Variants in ZSCAN18 observed in about 807,000 individuals in gnomAD.
ZSCAN18 encodes zinc finger and SCAN domain containing 18, also known as zinc finger and SCAN domain-containing protein 18.
In ZSCAN18, 16 loss-of-function variants were observed where a neutral mutation model predicts 31.1. The observed-to-expected ratio is 0.51, with a 90% CI of 0.35 to 0.78. The LOEUF is 0.78. Among genes scored for constraint, ZSCAN18 ranks in the 30% least tolerant of loss-of-function variants. The pLI is 0.01. For missense variants in ZSCAN18, 731 were observed against 697.4 expected (o/e 1.05, Z -0.54); for synonymous variants, 375 against 320.7 (o/e 1.17, Z -1.81).
Position 58,090,188 on chromosome 19 carries a change from G to C in ZSCAN18, c.80C>G (p.Ala27Gly). ...PPDLPTPGSA[A>G]GVQQEEPETI... is the part of the protein sequence containing the mutation. ...CTCGGGTTCTTCCTGCTGGACTCCGGCTGCTGACCCCGGCGTGGGCAGATC... is the reference window on the plus strand; with the variant it reads ...CTCGGGTTCTTCCTGCTGGACTCCGCCTGCTGACCCCGGCGTGGGCAGATC... Residue 27 changes from alanine to glycine, a missense_variant, in exon 2 of 7, where the codon GCC becomes GGC. By Grantham distance (60) the Ala-to-Gly change is moderately conservative. This residue lies in a region of ZSCAN18 where 86 missense variants were observed against 119.1 expected (regional missense o/e 0.72). Transcript: ENST00000601144. This position sits in a 1 kb window ranked among gnomAD's most constrained non-coding sequence, Gnocchi z 4.7. 1 of 1,613,722 alleles carries C rather than the reference G, an allele frequency of 6.2e-7. No individual in the cohort carries two copies. The highest frequency in any genetic ancestry group is 8.5e-7 in the Non-Finnish European group (1 of 1,179,994).
Position 58,090,289 on chromosome 19 carries a change from A to T in ZSCAN18, c.-22T>A. On this transcript the variant is annotated 5_prime_UTR_variant, in exon 2 of 7. Transcript: ENST00000601144. This position sits in a 1 kb window ranked among gnomAD's most constrained non-coding sequence, Gnocchi z 4.7. ...ACATCTTTCCAAAACGGCACTGGAA[A>T]ATGTGACTGTCTAGCCAGGGACAAG... The T allele has an allele frequency of 6.2e-7, 1 of 1,613,490 alleles. No homozygotes were observed. The highest frequency in any genetic ancestry group is 2.2e-5 in the East Asian group (1 of 44,872).
chr19:58,100,180 C>T (rs1051732344), upstream of ZSCAN18, among the ~76,000 whole-genome samples: 5 of 151,908 alleles, frequency 3.3e-5, no homozygotes, highest in Non-Finnish European at 5.9e-5. Context: ...GTCTCAGACC[C>T]CCGGGCTCAA....
At chr19:58,116,304 C>A (rs1418001526) in intron 1 of ZSCAN18, among the ~76,000 whole-genome samples, 2 of 150,100 alleles carry the variant, frequency 1.3e-5, no homozygotes, top group Non-Finnish European at 3.0e-5. Flanking sequence ...GGCCAGCTTC[C>A]TGTGGTCACA....
In ZSCAN18 at chr19:58,085,009, G is replaced by T. The variant is rs1451098465; in HGVS notation, c.1209C>A (p.Asp403Glu). 1.3e-5 allele frequency: 20 copies of T among 1,591,760 alleles called. No individual in the cohort carries two copies. Among genetic ancestry groups the T allele is most frequent in the Non-Finnish European group, 1.6e-5 (19 of 1,169,572 alleles). The change falls in exon 7 of 7, where the codon GAC (aspartate) becomes GAA (glutamate). Residue 403 changes from aspartate to glutamate, a missense_variant. Asp to Glu is a conservative substitution (Grantham distance 45). This residue lies in a region of ZSCAN18 where 597 missense variants were observed against 499.5 expected (regional missense o/e 1.20). Transcript: ENST00000601144. ...GLEAGQGPGA[D>E]EPGLSRGKPY... ...GCTTCCCGCGGGACAAGCCCGGCTC[G>T]TCAGCCCCAGGGCCCTGCCCGGCCT... is the stretch of plus-strand genomic sequence containing the variant.
At chr19:58,100,582 G>T (rs2146016619), upstream of ZSCAN18, among the ~76,000 whole-genome samples, 1 of 152,184 alleles carries the variant, frequency 6.6e-6, no homozygotes, top group South Asian at 2.1e-4. Context: ...AAATTCCAAG[G>T]CTTTTAGCTC....
chr19:58,115,577 G>A (rs551018038), intron 1 of ZSCAN18, among the ~76,000 whole-genome samples: 114 of 152,084 alleles, frequency 7.5e-4, no homozygotes, highest in African/African-American at 2.2e-3. Flanking sequence ...ATTATATTAC[G>A]GGTAGTTCCC....
At chr19:58,093,841 C>T (rs1599978896) in intron 1 of ZSCAN18, among the ~76,000 whole-genome samples, 1 of 152,068 alleles carries the variant, frequency 6.6e-6, no homozygotes, top group Non-Finnish European at 1.5e-5. Context: ...TGTCAGCTCA[C>T]CACAACCTCC....
intron 1 of ZSCAN18, among the ~76,000 whole-genome samples, chr19:58,115,290 T>C (rs1257741029): frequency 6.6e-6 from 1 of 152,184 alleles, no homozygotes; most frequent in Non-Finnish European, 1.5e-5. Flanking sequence ...CAAATATAAT[T>C]CTATTCTGGA....
At chr19:58,098,438 G>A (rs1021219054), upstream of ZSCAN18, 3 of 945,630 alleles carry the variant, frequency 3.2e-6, no homozygotes, top group Non-Finnish European at 3.8e-6. Flanking sequence ...AAGTAAACAA[G>A]CGGGTAAATA....
Position 58,087,420 on chromosome 19 carries a change from G to A in ZSCAN18, c.554-16C>T, listed in dbSNP as rs1411937895. ...GAAAGCCAGGCTGGGGAGAAGGAGA[G>A]GCAGAGCTGAGGCAATGAGCTCCCT... On this transcript the variant is annotated splice_polypyrimidine_tract_variant and intron_variant, in intron 3 of 6. Coordinates refer to ENST00000601144, the MANE Select transcript of ZSCAN18 (RefSeq NM_001145543.2). The A allele has an allele frequency of 2.5e-6, 4 of 1,585,648 alleles. No homozygotes were observed. Among genetic ancestry groups the A allele is most frequent in the Non-Finnish European group, 3.4e-6 (4 of 1,164,772 alleles).
At chr19:58,098,721 C>G (rs377383275), upstream of ZSCAN18, among the ~76,000 whole-genome samples, 31 of 152,276 alleles carry the variant, frequency 2.0e-4, no homozygotes, top group South Asian at 3.9e-3. Flanking sequence ...AAGAGACCAG[C>G]TCAGGCTCAG....
upstream of ZSCAN18, among the ~76,000 whole-genome samples, chr19:58,098,703 AGAAAAGAAAGAGACCAGCTCAGGCTCAG>A (rs1473598976): frequency 2.0e-5 from 3 of 152,202 alleles, no homozygotes; most frequent in Non-Finnish European, 4.4e-5. Flanking sequence ...CATGGGCTCA[AGAAAAGAAAGAGACCAGCTCAGGCTCAG>A]GAAAAGAGAG....
At chr19:58,104,402 C>A (rs76946518) in intron 1 of ZSCAN18, among the ~76,000 whole-genome samples, 28,589 of 129,720 alleles carry the variant, frequency 0.22, 3,040 homozygotes, top group African/African-American at 0.35. Context: ...CAAAACAAAA[C>A]AAAAAAAAAG....
At chr19:58,095,415 C>T (rs868238899) in intron 1 of ZSCAN18, among the ~76,000 whole-genome samples, 1 of 152,194 alleles carries the variant, frequency 6.6e-6, no homozygotes, top group South Asian at 2.1e-4. Flanking sequence ...CAGGCAATCA[C>T]TAAGGCTGGG....
chr19:58,086,829 G>C lies in ZSCAN18; in HGVS notation c.745+77C>G. 4 of 1,107,190 alleles carry C rather than the reference G, an allele frequency of 3.6e-6. No homozygotes were observed. The Admixed American group carries it at 6.3e-5, about 17-fold the overall frequency. 68.6% of individuals were successfully genotyped at this position (1,107,190 alleles called of 1,614,324 possible). ...CACAGTGTCCCAGCCAAAGTCCCTG[G>C]GGTCACAGTCTCCTGCACCAACCCC... is the stretch of plus-strand genomic sequence containing the variant. On this transcript the variant is annotated intron_variant, in intron 5 of 6. Coordinates refer to ENST00000601144, the MANE Select transcript of ZSCAN18 (RefSeq NM_001145543.2).
At position 58,085,233 on chromosome 19, in the gene ZSCAN18, G is replaced by A. The variant is rs755005410; in HGVS notation, c.985C>T (p.Pro329Ser). The A allele has an allele frequency of 6.2e-7, 1 of 1,607,702 alleles. No homozygotes were observed. Among genetic ancestry groups the A allele is most frequent in the South Asian group, 1.1e-5 (1 of 90,914 alleles). The change falls in exon 7 of 7, where the codon CCT (proline) becomes TCT (serine). Residue 329 changes from proline to serine, a missense_variant. By Grantham distance (74) the Pro-to-Ser change is moderately conservative (BLOSUM62 -1). This residue lies in a region of ZSCAN18 where 597 missense variants were observed against 499.5 expected (regional missense o/e 1.20). Transcript: ENST00000601144. ...SGTTEEEEEQPGKAPDPQDPQ... is the reference protein window; with the variant it reads ...SGTTEEEEEQSGKAPDPQDPQ... ...TCCTGCGGGTCCGGGGCCTTCCCAG[G>A]CTGCTCTTCCTCCTCCTCAGTGGTG...
chr19:58,094,410 CA>C (rs563713590), intron 1 of ZSCAN18, among the ~76,000 whole-genome samples: 1,558 of 101,364 alleles, frequency 0.015, 19 homozygotes, highest in African/African-American at 0.044. Flanking sequence ...GACTCTGTCT[CA>C]AAAAAAAAAA....
At chr19:58,106,021 G>A (rs1005003257) in intron 1 of ZSCAN18, among the ~76,000 whole-genome samples, 1 of 152,140 alleles carries the variant, frequency 6.6e-6, no homozygotes. Context: ...GGCTATAGCT[G>A]CCATAGATAG....
Position 58,090,637 on chromosome 19 carries a change from T to A in ZSCAN18, c.-119-251A>T. ...CCGAGTCACCCTCTGTCACCCAAGC[T>A]GGAGTGCAGTGGCGCAATCTCGGCT... On this transcript the variant is annotated intron_variant, in intron 1 of 6. Coordinates refer to ENST00000601144, the MANE Select transcript of ZSCAN18 (RefSeq NM_001145543.2). The surrounding 1 kb of genome is among the most constrained non-coding windows in gnomAD (Gnocchi z 4.7). 2.7e-6 allele frequency: 1 copy of A among 366,494 alleles called. No homozygotes were observed. Among genetic ancestry groups the A allele is most frequent in the Non-Finnish European group, 4.9e-6 (1 of 204,026 alleles). 22.7% of individuals were successfully genotyped at this position (366,494 alleles called of 1,614,324 possible).
Sources: gnomAD v4.1 joint callset for allele counts (sites outside exome capture counted in the v4.1 genomes callset) on GRCh38, gnomAD v4.1.1 for gene constraint, gnomAD v4.1.1 regional missense constraint, Gnocchi (gnomAD v3.1) non-coding constraint, MANE v1.5 for transcripts, NCBI Gene and HGNC (gene_info 2026-07-23, HGNC 2026-07-21) for gene names.